Variants in NUCB2 observed in about 807,000 individuals in gnomAD.
NUCB2 encodes nucleobindin 2, also known as nucleobindin-2.
A neutral mutation model predicts 57.9 loss-of-function variants in NUCB2; 48 were observed. That is an observed-to-expected ratio of 0.83 (90% confidence interval 0.66 to 1.05). NUCB2 has a LOEUF of 1.05. Among genes scored for constraint, NUCB2 ranks in the 50% least tolerant of loss-of-function variants. NUCB2 has a pLI of 0.00. For missense variants in NUCB2, 442 were observed against 476.2 expected (o/e 0.93, Z 0.67); for synonymous variants, 139 against 152.1 (o/e 0.91, Z 0.64).
At chr11:17,342,948 A>C (rs1952405249) in intron 2 of NUCB2, among the ~76,000 whole-genome samples, 1 of 152,044 alleles carries the variant, frequency 6.6e-6, no homozygotes, top group Non-Finnish European at 1.5e-5. Context: ...GTGGGAGTCT[A>C]AGTCTCTTTG....
intron 7 of NUCB2, 81 bp downstream of exon 7, chr11:17,311,091 C>A: frequency 7.1e-7 from 1 of 1,405,668 alleles, no homozygotes; most frequent in Non-Finnish European, 9.7e-7. Flanking sequence ...GTTATTAGTA[C>A]TTAAATCTTG....
intron 2 of NUCB2, among the ~76,000 whole-genome samples, chr11:17,288,882 T>TATACACAC (rs1944330772): frequency 6.7e-5 from 3 of 44,644 alleles, no homozygotes; most frequent in African/African-American, 9.4e-5. Context: ...AACATGTATA[T>TATACACAC]ACACACACAC....
chr11:17,282,139 C>G (rs1942704770), intron 1 of NUCB2, among the ~76,000 whole-genome samples: 1 of 150,730 alleles, frequency 6.6e-6, no homozygotes, highest in Admixed American at 6.6e-5. Context: ...TGAATTCCTC[C>G]TAGTTATTCA....
intron 11 of NUCB2, among the ~76,000 whole-genome samples, chr11:17,322,116 T>C (rs1297693089): frequency 1.3e-5 from 2 of 152,192 alleles, no homozygotes; most frequent in Non-Finnish European, 2.9e-5. Flanking sequence ...GATTTGTCTA[T>C]TTTTGCTTTG....
intron 10 of NUCB2, among the ~76,000 whole-genome samples, chr11:17,313,210 G>T (rs1948761112): frequency 6.6e-6 from 1 of 151,944 alleles, no homozygotes; most frequent in Admixed American, 6.6e-5. Context: ...AAAAGATAAA[G>T]ATGCTACTGC....
chr11:17,349,169 G>A (rs561329089), intron 2 of NUCB2, among the ~76,000 whole-genome samples: 1 of 152,184 alleles, frequency 6.6e-6, no homozygotes, highest in Non-Finnish European at 1.5e-5. Flanking sequence ...ACATACACAG[G>A]TGTTAGCTTT....
chr11:17,285,905 C>T (rs927218792), intron 2 of NUCB2, among the ~76,000 whole-genome samples: 2 of 150,456 alleles, frequency 1.3e-5, no homozygotes, highest in South Asian at 4.2e-4. Flanking sequence ...AACAGGAAAC[C>T]ATCACACATA....
intron 2 of NUCB2, among the ~76,000 whole-genome samples, chr11:17,293,724 A>T (rs1460959646): frequency 6.6e-6 from 1 of 152,234 alleles, no homozygotes; most frequent in Non-Finnish European, 1.5e-5. Context: ...AAAGAAATAA[A>T]GTCCTGATAC....
intron 11 of NUCB2, among the ~76,000 whole-genome samples, chr11:17,321,753 C>T (rs1483172991): frequency 1.3e-5 from 2 of 151,984 alleles, no homozygotes; most frequent in Non-Finnish European, 2.9e-5. Context: ...CACATCCTTG[C>T]CAACATTTGT....
Position 17,288,942 on chromosome 11 carries a change from CACACACACAT to C in NUCB2, c.-1+6001_-1+6010del, listed in dbSNP as rs1390659368. On this transcript the variant is annotated intron_variant, in intron 2 of 13. Transcript: ENST00000529010. Reference sequence around the variant, plus strand: ...ACACACACACACACACACACACACACACACACACATATATATATATATTTTTTTTTTTTGA... The same window carrying C: ...ACACACACACACACACACACACACACATATATATATATTTTTTTTTTTTGA... Among the ~76,000 whole-genome samples, 393 of 76,788 alleles carry C rather than the reference CACACACACAT, an allele frequency of 5.1e-3. 31 individuals are homozygous for C. Among genetic ancestry groups the C allele is most frequent in the South Asian group, 0.013 (27 of 2,002 alleles). The allele number at this position is 76,788 out of a possible 152,430, so 50.4% of individuals were successfully genotyped here. A position where few individuals can be genotyped will look rare whatever the true frequency, so the allele number is the denominator to read the frequency against.
chr11:17,299,382 A>G (rs1946339890), intron 4 of NUCB2, among the ~76,000 whole-genome samples: 2 of 152,114 alleles, frequency 1.3e-5, no homozygotes, highest in Admixed American at 1.3e-4. Flanking sequence ...AATAATGACT[A>G]TTCTCTCCTT....
At chr11:17,295,577 A>G (rs907232190) in intron 3 of NUCB2, 110 bp downstream of exon 3, 1 of 816,684 alleles carries the variant, frequency 1.2e-6, no homozygotes, top group Non-Finnish European at 2.0e-6. Context: ...AAATGAGAGG[A>G]ATTATAACAA....
chr11:17,288,746 G>C (rs973222685), intron 2 of NUCB2, among the ~76,000 whole-genome samples: 3 of 149,850 alleles, frequency 2.0e-5, no homozygotes, highest in African/African-American at 7.4e-5. Flanking sequence ...GTAGAGATGG[G>C]GTTTCGCCAT....
At chr11:17,325,134 G>T (rs1216772759) in intron 11 of NUCB2, among the ~76,000 whole-genome samples, 1 of 152,120 alleles carries the variant, frequency 6.6e-6, no homozygotes, top group Non-Finnish European at 1.5e-5. Context: ...CGATCCATGT[G>T]CTAAGGAGAA....
chr11:17,345,223 C>CT (rs907171655), intron 2 of NUCB2, among the ~76,000 whole-genome samples: 7 of 151,392 alleles, frequency 4.6e-5, no homozygotes, highest in East Asian at 1.9e-4. Context: ...TCCATTATTG[C>CT]TTTTTTTTAA....
At chr11:17,328,560 A>G (rs1007399548) in intron 11 of NUCB2, among the ~76,000 whole-genome samples, 1 of 151,682 alleles carries the variant, frequency 6.6e-6, no homozygotes, top group Admixed American at 6.6e-5. Context: ...CAGGCAGAGG[A>G]CCCTCTCCCT....
At chr11:17,305,421 T>C (rs1947467261) in intron 5 of NUCB2, among the ~76,000 whole-genome samples, 1 of 152,108 alleles carries the variant, frequency 6.6e-6, no homozygotes, top group Admixed American at 6.6e-5. Flanking sequence ...ATCTTTAATA[T>C]CTATTAAATC....
chr11:17,285,669 G>A (rs1190309289), intron 2 of NUCB2, among the ~76,000 whole-genome samples: 2 of 149,426 alleles, frequency 1.3e-5, no homozygotes, highest in African/African-American at 4.9e-5. Context: ...GTGTGAACCC[G>A]GGAGGCGGAG....
At chr11:17,297,239 T>A (rs1439193699) in intron 4 of NUCB2, among the ~76,000 whole-genome samples, 1 of 152,234 alleles carries the variant, frequency 6.6e-6, no homozygotes, top group Non-Finnish European at 1.5e-5. Context: ...CTTAAAAAAT[T>A]ACGTTGCTTT....
Sources: allele counts gnomAD v4.1 joint callset (sites outside exome capture counted in the v4.1 genomes callset), GRCh38; gene constraint gnomAD v4.1.1; transcripts MANE v1.5; gene names NCBI Gene and HGNC (gene_info 2026-07-23, HGNC 2026-07-21).